The following SLC24A2 variants were observed in gnomAD, a reference collection of about 807,000 sequenced individuals.
The protein encoded by SLC24A2 is sodium/potassium/calcium exchanger 2.
SLC24A2 carries 36 observed loss-of-function variants against 62.0 expected under a neutral mutation model. The ratio of observed to expected loss-of-function variants is 0.58; its 90% CI spans 0.44 to 0.77. SLC24A2 has a LOEUF of 0.77. Ranked by LOEUF, SLC24A2 falls within the 30% of genes least tolerant of loss-of-function variation. The probability of loss-of-function intolerance (pLI) is 0.00; values close to 1 mark genes in which losing one functional copy is unlikely to be tolerated. For missense variants in SLC24A2, 846 were observed against 817.9 expected (o/e 1.03, Z -0.42); for synonymous variants, 358 against 294.0 (o/e 1.22, Z -2.23).
the SLC24A2 span, among the ~76,000 whole-genome samples, chr9:19,820,004 T>TAC: frequency 1.5e-5 from 2 of 133,084 alleles, no homozygotes; most frequent in Non-Finnish European, 3.1e-5. Context: ...TATATATATA[T>TAC]ATGTGTATAT....
At chr9:20,013,041 A>G in the SLC24A2 span, among the ~76,000 whole-genome samples, 1 of 152,208 alleles carries the variant, frequency 6.6e-6, no homozygotes, top group Non-Finnish European at 1.5e-5. Flanking sequence ...TTTCACAGAA[A>G]TGGAAAAAAC....
At chr9:19,853,385 C>T in the SLC24A2 span, among the ~76,000 whole-genome samples, 25 of 152,120 alleles carry the variant, frequency 1.6e-4, no homozygotes, top group African/African-American at 5.8e-4. Flanking sequence ...TATCTTGTGC[C>T]GGTTTTCAAG....
At position 19,508,964 on chromosome 9, in the gene SLC24A2, C is replaced by T. The variant is rs556755699; in HGVS notation, c.*7189G>A. 2 of 152,230 alleles carry T rather than the reference C, an allele frequency of 1.3e-5. No homozygotes were observed. Among genetic ancestry groups the T allele is most frequent in the South Asian group, 4.1e-4 (2 of 4,828 alleles). 9.4% of individuals were successfully genotyped at this position (152,230 alleles called of 1,614,324 possible). A position where few individuals can be genotyped will look rare whatever the true frequency, so the allele number is the denominator to read the frequency against. On this transcript the variant is annotated 3_prime_UTR_variant, in exon 11 of 11. Coordinates refer to ENST00000341998, the MANE Select transcript of SLC24A2 (RefSeq NM_020344.4). Reference sequence around the variant, plus strand: ...CACCAAAGCATTATGAAATCTGCTGCTTTACATGTCCTCCCAAGGAAGGTT... The same window carrying T: ...CACCAAAGCATTATGAAATCTGCTGTTTTACATGTCCTCCCAAGGAAGGTT...
chr9:20,302,437 G>A, the SLC24A2 span, among the ~76,000 whole-genome samples: 1 of 152,198 alleles, frequency 6.6e-6, no homozygotes, highest in African/African-American at 2.4e-5. Flanking sequence ...TAATAGGTAT[G>A]TAATGGTATC....
At chr9:19,808,557 G>A in the SLC24A2 span, among the ~76,000 whole-genome samples, 3 of 152,160 alleles carry the variant, frequency 2.0e-5, no homozygotes, top group African/African-American at 7.2e-5. The surrounding 1 kb of genome is among the most constrained non-coding windows in gnomAD (Gnocchi z 4.1). Flanking sequence ...TAGCGGTTTT[G>A]CAAGATCCGA....
chr9:19,706,933 C>T (rs1469073369), intron 2 of SLC24A2, among the ~76,000 whole-genome samples: 8 of 151,596 alleles, frequency 5.3e-5, no homozygotes, highest in South Asian at 2.1e-4. Context: ...AATAGAGACA[C>T]AAAAAACCCT....
chr9:20,282,129 C>T, the SLC24A2 span, among the ~76,000 whole-genome samples: 1 of 152,100 alleles, frequency 6.6e-6, no homozygotes, highest in Admixed American at 6.5e-5. Flanking sequence ...TTAAATATCC[C>T]AAACTATTAA....
At chr9:20,210,743 A>G in the SLC24A2 span, among the ~76,000 whole-genome samples, 4 of 141,090 alleles carry the variant, frequency 2.8e-5, no homozygotes, top group Admixed American at 3.2e-4. Context: ...TGACCTCATG[A>G]TCCACTGGCC....
Position 19,545,636 on chromosome 9 carries a change from GT to G in SLC24A2, c.1479+4500del, listed in dbSNP as rs542905427. ...GTAGATGTGCTATTCCTATTTTTTAGTTTTTTTTTCTTTTTTTTTTGTGACA... is the reference window on the plus strand; with the variant it reads ...GTAGATGTGCTATTCCTATTTTTTAGTTTTTTTTCTTTTTTTTTTGTGACA... On this transcript the variant is annotated intron_variant, in intron 8 of 10. Transcript: ENST00000341998. Among the ~76,000 whole-genome samples, 188 of 150,066 alleles carry G rather than the reference GT, an allele frequency of 1.3e-3. 1 individual carries two copies. Among genetic ancestry groups the G allele is most frequent in the African/African-American group, 4.2e-3 (171 of 40,870 alleles).
the SLC24A2 span, among the ~76,000 whole-genome samples, chr9:19,884,427 TTG>T: frequency 1.3e-5 from 2 of 152,212 alleles, no homozygotes; most frequent in South Asian, 4.1e-4. Context: ...CTGAACACTG[TTG>T]TATAGTTGAA....
chr9:20,029,309 C>T, the SLC24A2 span, among the ~76,000 whole-genome samples: 1 of 152,224 alleles, frequency 6.6e-6, no homozygotes, highest in Non-Finnish European at 1.5e-5. Context: ...CCTTGGCATG[C>T]TCATCATTAA....
At chr9:19,859,422 T>C in the SLC24A2 span, among the ~76,000 whole-genome samples, 4 of 152,076 alleles carry the variant, frequency 2.6e-5, no homozygotes, top group African/African-American at 9.7e-5. Flanking sequence ...GGGGACAAAA[T>C]AATCTGTACA....
chr9:19,829,585 G>A, the SLC24A2 span, among the ~76,000 whole-genome samples: 1 of 151,654 alleles, frequency 6.6e-6, no homozygotes, highest in Non-Finnish European at 1.5e-5. Flanking sequence ...AAAACTATAA[G>A]CTGGGCATCG....
the SLC24A2 span, among the ~76,000 whole-genome samples, chr9:20,108,950 G>A: frequency 6.6e-6 from 1 of 152,174 alleles, no homozygotes; most frequent in Non-Finnish European, 1.5e-5. Context: ...CACATATACT[G>A]ACAGTAGTCA....
chr9:19,921,489 C>T, the SLC24A2 span, among the ~76,000 whole-genome samples: 3 of 141,686 alleles, frequency 2.1e-5, no homozygotes, highest in Non-Finnish European at 3.0e-5. Flanking sequence ...GCACTGTCTC[C>T]AGCCTGGGCG....
the SLC24A2 span, among the ~76,000 whole-genome samples, chr9:20,240,128 T>A: frequency 1.3e-5 from 2 of 152,068 alleles, no homozygotes; most frequent in Non-Finnish European, 2.9e-5. Flanking sequence ...TGGGGCCTGG[T>A]GGGTAGGTGA....
intron 9 of SLC24A2, among the ~76,000 whole-genome samples, chr9:19,521,665 G>C (rs1405850158): frequency 6.6e-6 from 1 of 152,064 alleles, no homozygotes; most frequent in Non-Finnish European, 1.5e-5. Flanking sequence ...ATCTGGCTCT[G>C]GTATGTGTTA....
chr9:19,990,103 T>C, the SLC24A2 span, among the ~76,000 whole-genome samples: 1 of 152,296 alleles, frequency 6.6e-6, no homozygotes, highest in East Asian at 1.9e-4. Context: ...TTTTAGGTAT[T>C]GTGTTAAGTG....
intron 2 of SLC24A2, among the ~76,000 whole-genome samples, chr9:19,756,599 T>G (rs1314385060): frequency 1.3e-5 from 2 of 152,180 alleles, no homozygotes; most frequent in Non-Finnish European, 2.9e-5. Flanking sequence ...CCCAGCTGGG[T>G]TCTCTGCTTG....
Sources: allele counts gnomAD v4.1 joint callset (sites outside exome capture counted in the v4.1 genomes callset), GRCh38; gene constraint gnomAD v4.1.1; non-coding constraint Gnocchi (gnomAD v3.1); transcripts MANE v1.5; gene names NCBI Gene and HGNC (gene_info 2026-07-23, HGNC 2026-07-21).